The following MYL3 variants were observed in gnomAD, a reference collection of about 807,000 sequenced individuals.
The protein encoded by MYL3 is CMLC1.
In MYL3, 11 loss-of-function variants were observed where a neutral mutation model predicts 21.3. The ratio of observed to expected loss-of-function variants is 0.52; its 90% CI spans 0.32 to 0.85. The LOEUF (loss-of-function observed/expected upper bound fraction) is 0.85. Ranked by LOEUF, MYL3 falls within the 40% of genes least tolerant of loss-of-function variation. The probability of loss-of-function intolerance (pLI) is 0.03; values close to 1 mark genes in which losing one functional copy is unlikely to be tolerated. For missense variants in MYL3, 206 were observed against 253.3 expected, an observed-to-expected ratio of 0.81 and a Z score of 1.27; for synonymous variants, 88 against 91.6, an observed-to-expected ratio of 0.96 and a Z score of 0.22.
At chr3:46,870,971 T>C (rs559499993) in intron 1 of MYL3, among the ~76,000 whole-genome samples, 4 of 152,340 alleles carry the variant, frequency 2.6e-5, no homozygotes, top group South Asian at 2.1e-4. Flanking sequence ...TCATGCTTCA[T>C]AGAAACCTTT....
At chr3:46,870,068 CAG>C (rs1491268149) in intron 1 of MYL3, among the ~76,000 whole-genome samples, 4 of 152,076 alleles carry the variant, frequency 2.6e-5, no homozygotes, top group Admixed American at 1.3e-4. Flanking sequence ...CAGTCAGAAA[CAG>C]GGGGGAGAGA....
At chr3:46,875,886 T>A (rs140330783) in intron 1 of MYL3, among the ~76,000 whole-genome samples, 22 of 152,282 alleles carry the variant, frequency 1.4e-4, no homozygotes, top group African/African-American at 4.6e-4. Flanking sequence ...CGAGTAAACA[T>A]GGCTGGGTCT....
rs781740680 is a variant in MYL3, at chr3:46,859,349, T to C, written c.481+126A>G. 27 of 1,251,836 alleles carry C rather than the reference T, an allele frequency of 2.2e-5. No homozygotes were observed. Among genetic ancestry groups the C allele is most frequent in the Admixed American group, 1.8e-4 (10 of 56,250 alleles). 77.5% of individuals were successfully genotyped at this position (1,251,836 alleles called of 1,614,324 possible). On this transcript the variant is annotated intron_variant, in intron 4 of 6. Coordinates refer to ENST00000292327, the MANE Select transcript of MYL3 (RefSeq NM_000258.3). The surrounding 1 kb of genome is among the most constrained non-coding windows in gnomAD (Gnocchi z 4.1). Reference sequence around the variant, plus strand: ...TAAGTAACATTTCTGTTGTCTGCCATTGAGGCTCCCTAATTATGTAACTCT... The same window carrying C: ...TAAGTAACATTTCTGTTGTCTGCCACTGAGGCTCCCTAATTATGTAACTCT...
Position 46,861,139 on chromosome 3 carries a change from A to C in MYL3, c.130-152T>G, listed in dbSNP as rs1470639885. ...GCACCCCCAGGACCTCCTGCAGTCCATCTTGACGCCCTCCTGCCTCCTTGC... is the reference window on the plus strand; with the variant it reads ...GCACCCCCAGGACCTCCTGCAGTCCCTCTTGACGCCCTCCTGCCTCCTTGC... On this transcript the variant is annotated intron_variant, in intron 1 of 6. Transcript: ENST00000292327. The surrounding 1 kb of genome is among the most constrained non-coding windows in gnomAD (Gnocchi z 4.2). 1 of 890,818 alleles carries C rather than the reference A, an allele frequency of 1.1e-6. No homozygotes were observed. Among genetic ancestry groups the C allele is most frequent in the Non-Finnish European group, 1.8e-6 (1 of 545,194 alleles). 55.2% of individuals were successfully genotyped at this position (890,818 alleles called of 1,614,324 possible).
chr3:46,874,729 C>A lies in MYL3; in HGVS notation c.-218+7345G>T, dbSNP rs972584444. On this transcript the variant is annotated intron_variant, in intron 1 of 3. Coordinates refer to the MYL3 transcript ENST00000431168. This position sits in a 1 kb window ranked among gnomAD's most constrained non-coding sequence, Gnocchi z 4.1. ...GGAGGGGGTATTCCGAGGCACAGAC[C>A]CCCCCCCACACACACAATAGGGACG... is the stretch of plus-strand genomic sequence containing the variant. 1.3e-5 allele frequency among the ~76,000 whole-genome samples: 2 copies of A among 151,906 alleles called. No homozygotes were observed. Among genetic ancestry groups the A allele is most frequent in the Non-Finnish European group, 2.9e-5 (2 of 68,012 alleles).
intron 1 of MYL3, chr3:46,881,083 C>G (rs772153423): frequency 1.3e-5 from 2 of 152,390 alleles, no homozygotes; most frequent in African/African-American, 2.4e-5. Flanking sequence ...GAGGTCCAGA[C>G]AGCCGAAGAG....
chr3:46,871,829 C>G (rs1362149589), intron 1 of MYL3, among the ~76,000 whole-genome samples: 1 of 152,206 alleles, frequency 6.6e-6, no homozygotes, highest in South Asian at 2.1e-4. Context: ...TACCTCTGTG[C>G]CCCAAAGGTC....
At position 46,859,058 on chromosome 3, in the gene MYL3, G is replaced by T. The variant is rs990990607; in HGVS notation, c.481+417C>A. On this transcript the variant is annotated intron_variant, in intron 4 of 6. Coordinates refer to ENST00000292327, the MANE Select transcript of MYL3 (RefSeq NM_000258.3). The surrounding 1 kb of genome is among the most constrained non-coding windows in gnomAD (Gnocchi z 4.1). Reference sequence around the variant, plus strand: ...GAAGAGGGACCCCCTGCTGCAGGCAGCCGATGGTAGGGGTATAAGTGGGAG... The same window carrying T: ...GAAGAGGGACCCCCTGCTGCAGGCATCCGATGGTAGGGGTATAAGTGGGAG... Among the ~76,000 whole-genome samples the T allele has an allele frequency of 1.3e-5, 2 of 152,168 alleles. No individual in the cohort carries two copies. The highest frequency in any genetic ancestry group is 6.5e-5 in the Admixed American group (1 of 15,290).
chr3:46,860,708 A>G lies in MYL3; in HGVS notation c.275T>C (p.Val92Ala), dbSNP rs887145234. Residue 92 changes from valine (V) to alanine (A), a missense_variant, in exon 3 of 7, where the codon GTG becomes GCG. Physicochemically the swap from Val to Ala is moderately conservative, Grantham distance 64. Transcript: ENST00000292327. The surrounding 1 kb of genome is among the most constrained non-coding windows in gnomAD (Gnocchi z 4.6). ...ALGQNPTQAEVLRVLGKPRQE... is the reference protein window; with the variant it reads ...ALGQNPTQAEALRVLGKPRQE... ...TCTTGGCTTCCCCAGGACACGGAGC[A>G]CTTCTGCCTGTGTGGGGTTCTGGCC... 1 of 1,613,950 alleles carries G rather than the reference A, an allele frequency of 6.2e-7. No individual in the cohort carries two copies. Among genetic ancestry groups the G allele is most frequent in the African/African-American group, 1.3e-5 (1 of 74,910 alleles).
chr3:46,870,452 C>G (rs752198151), intron 1 of MYL3, among the ~76,000 whole-genome samples: 1 of 151,450 alleles, frequency 6.6e-6, no homozygotes, highest in Admixed American at 6.6e-5. Context: ...CTCCCTGACC[C>G]CTTGCAGACC....
rs1452893394 is a variant in MYL3, at chr3:46,874,581, G to A, written c.-218+7493C>T. On this transcript the variant is annotated intron_variant, in intron 1 of 3. Coordinates refer to the MYL3 transcript ENST00000431168. The surrounding 1 kb of genome is among the most constrained non-coding windows in gnomAD (Gnocchi z 4.1). ...CAGCCGGCCTCTGGAACGCGTGCCC[G>A]GGACCTCGGTGATATTTTGAGTTTA... 2.0e-5 allele frequency among the ~76,000 whole-genome samples: 3 copies of A among 152,160 alleles called. No homozygotes were observed. Among genetic ancestry groups the A allele is most frequent in the African/African-American group, 2.4e-5 (1 of 41,432 alleles).
Position 46,859,465 on chromosome 3 carries a change from C to T in MYL3, c.481+10G>A. 6.2e-7 allele frequency: 1 copy of T among 1,614,008 alleles called. No individual in the cohort carries two copies. Among genetic ancestry groups the T allele is most frequent in the Non-Finnish European group, 8.5e-7 (1 of 1,179,988 alleles). On this transcript the variant is annotated intron_variant, in intron 4 of 6. Coordinates refer to ENST00000292327, the MANE Select transcript of MYL3 (RefSeq NM_000258.3). This position sits in a 1 kb window ranked among gnomAD's most constrained non-coding sequence, Gnocchi z 4.1. ...GAAGGAGTTGGGGTAGGGGAGGAGG[C>T]TGCCCTCACCCAGCGTGGCCAGCAC...
intron 1 of MYL3, among the ~76,000 whole-genome samples, chr3:46,872,869 G>A (rs533035676): frequency 2.0e-5 from 3 of 152,348 alleles, no homozygotes; most frequent in Admixed American, 2.0e-4. Context: ...CAACAATGAA[G>A]GGATCTGTCT....
intron 1 of MYL3, among the ~76,000 whole-genome samples, chr3:46,873,642 G>A (rs970567574): frequency 6.6e-6 from 1 of 152,232 alleles, no homozygotes; most frequent in Non-Finnish European, 1.5e-5. Flanking sequence ...AGCCAGCTGT[G>A]CTGAGAGAGG....
upstream of MYL3, among the ~76,000 whole-genome samples, chr3:46,865,239 A>G (rs1163529069): frequency 6.6e-6 from 1 of 151,956 alleles, no homozygotes; most frequent in Non-Finnish European, 1.5e-5. The surrounding 1 kb of genome is among the most constrained non-coding windows in gnomAD (Gnocchi z 4.3). Context: ...AGGGCAGAAC[A>G]CCCACATCTG....
At chr3:46,866,430 G>A (rs925464144), upstream of MYL3, 1 of 152,274 alleles carries the variant, frequency 6.6e-6, no homozygotes, top group Non-Finnish European at 1.5e-5. Context: ...GGGAAGATAT[G>A]GGCCCTGACT....
At chr3:46,863,667 G>A (rs1407114295), upstream of MYL3, among the ~76,000 whole-genome samples, 1 of 151,966 alleles carries the variant, frequency 6.6e-6, no homozygotes, top group Non-Finnish European at 1.5e-5. Context: ...GAGAGAGGGG[G>A]ACAAAGGCCA....
chr3:46,858,441 C>A lies in MYL3; in HGVS notation c.502G>T (p.Glu168Ter). 6.2e-7 allele frequency: 1 copy of A among 1,613,722 alleles called. No individual in the cohort carries two copies. The highest frequency in any genetic ancestry group is 1.1e-5 in the South Asian group (1 of 91,076). Residue 168 changes from glutamate (E) to a stop codon, truncating the protein, a stop_gained, in exon 5 of 7, where the codon GAA becomes TAA. Coordinates refer to ENST00000292327, the MANE Select transcript of MYL3 (RefSeq NM_000258.3). LOFTEE classifies it high-confidence loss of function. ...ATLGERLTED[E>*]VEKLMAGQED... ...TGCCCAGCCATCAACTTCTCCACTT[C>A]GTCTTCTGTCAGCCTCTCACCTGGC...
intron 1 of MYL3, among the ~76,000 whole-genome samples, chr3:46,862,852 C>A (rs949760136): frequency 2.0e-5 from 3 of 152,250 alleles, no homozygotes; most frequent in Admixed American, 1.3e-4. Context: ...CCTATCTCAT[C>A]CACGCTGGGA....
Sources: allele counts gnomAD v4.1 joint callset (sites outside exome capture counted in the v4.1 genomes callset), GRCh38; gene constraint gnomAD v4.1.1; non-coding constraint Gnocchi (gnomAD v3.1); transcripts MANE v1.5; gene names NCBI Gene and HGNC (gene_info 2026-07-23, HGNC 2026-07-21).